Variants in SEC16A observed in about 807,000 individuals in gnomAD.
SEC16A encodes the protein protein transport protein Sec16A.
SEC16A carries 110 observed loss-of-function variants against 221.9 expected under a neutral mutation model. The ratio of observed to expected loss-of-function variants is 0.50; its 90% CI spans 0.42 to 0.58. SEC16A has a LOEUF of 0.58. Among genes scored for constraint, SEC16A ranks in the 20% least tolerant of loss-of-function variants. The probability of loss-of-function intolerance (pLI) is 0.00; values close to 1 mark genes in which losing one functional copy is unlikely to be tolerated. For synonymous variants in SEC16A, 1,393 were observed against 1,257.7 expected, an observed-to-expected ratio of 1.11 and a Z score of -2.28; for missense variants, 3,165 against 3,097.8, an observed-to-expected ratio of 1.02 and a Z score of -0.52.
chr9:136,480,089 C>T (rs1488876863), intron 1 of SEC16A, among the ~76,000 whole-genome samples: 3 of 152,186 alleles, frequency 2.0e-5, no homozygotes, highest in Non-Finnish European at 4.4e-5. Context: ...AGGTTTTAGG[C>T]TCTCATCTGA....
At chr9:136,464,371 T>G in intron 9 of SEC16A, 49 bp downstream of exon 9, 2 of 1,533,288 alleles carry the variant, frequency 1.3e-6, no homozygotes, top group Non-Finnish European at 1.8e-6. Context: ...AGCAGAGAGT[T>G]CCCCAGGGCA....
In SEC16A at chr9:136,456,078, A is replaced by C. The variant is rs1257839137; in HGVS notation, c.5639T>G (p.Leu1880Arg). 6.2e-7 allele frequency: 1 copy of C among 1,612,812 alleles called. No individual in the cohort carries two copies. The highest frequency in any genetic ancestry group is 1.3e-5 in the African/African-American group (1 of 74,902). ...CTTAATCTGCCGCTCCACCTGCTGC[A>C]GGTGAACCAGCCACGTGGGTGCGGC... is the stretch of plus-strand genomic sequence containing the variant. The part of the protein sequence containing the change: ...SLAAPTWLVH[L>R]QQVERQIKEG... The change falls in exon 19 of 32, where the codon CTG becomes CGG. Residue 1880 changes from leucine to arginine, a missense_variant. Leu to Arg is a moderately radical substitution (Grantham distance 102). Transcript: ENST00000684901.
intron 12 of SEC16A, 93 bp downstream of exon 12, chr9:136,462,794 G>T: frequency 6.9e-7 from 1 of 1,446,326 alleles, no homozygotes; most frequent in Admixed American, 2.1e-5. Flanking sequence ...CTCCCAAGAG[G>T]GGGCCACGTC....
rs759612740 is a variant in SEC16A at position 136,475,305 on chromosome 9, G to A, written c.2311C>T (p.Arg771Trp). Residue 771 changes from arginine (R) to tryptophan (W), a missense_variant, in exon 3 of 32, where the codon CGG becomes TGG. Coordinates refer to ENST00000684901, the MANE Select transcript of SEC16A (RefSeq NM_014866.2). This position sits in a 1 kb window ranked among gnomAD's most constrained non-coding sequence, Gnocchi z 5.0. ...PEEAMSGQQS[R>W]NPSSAAPVQS... Reference sequence around the variant, plus strand: ...ACCGGGGCCGCCGAGCTTGGGTTCCGTGACTGCTGCCCGGACATCGCCTCT... The same window carrying A: ...ACCGGGGCCGCCGAGCTTGGGTTCCATGACTGCTGCCCGGACATCGCCTCT... 1.5e-5 allele frequency: 24 copies of A among 1,613,102 alleles called. 1 individual carries two copies. In the East Asian group the frequency reaches 1.8e-4, roughly 12 times the overall value.
chr9:136,471,955 C>T lies in SEC16A; in HGVS notation c.3704+20G>A. The T allele has an allele frequency of 6.2e-7, 1 of 1,609,698 alleles. No individual in the cohort carries two copies. The highest frequency in any genetic ancestry group is 8.5e-7 in the Non-Finnish European group (1 of 1,179,578). On this transcript the variant is annotated intron_variant, in intron 4 of 31. Transcript: ENST00000684901. ...GGTCTGAGTAGGACAGAGAGGCAGC[C>T]AGGGTGGGCGCGGCCGCACCTGGGA... is the stretch of plus-strand genomic sequence containing the variant.
At chr9:136,483,291 C>G (rs1353852185), upstream of SEC16A, among the ~76,000 whole-genome samples, 1 of 130,718 alleles carries the variant, frequency 7.7e-6, no homozygotes, top group Non-Finnish European at 1.7e-5. Flanking sequence ...TCCCGCCCCC[C>G]GCCCGTCTTC....
chr9:136,454,126 G>A lies in SEC16A; in HGVS notation c.6059C>T (p.Ala2020Val). 4 of 1,551,638 alleles carry A rather than the reference G, an allele frequency of 2.6e-6. No individual in the cohort carries two copies. Among genetic ancestry groups the A allele is most frequent in the Non-Finnish European group, 1.7e-6 (2 of 1,147,618 alleles). The part of the protein sequence containing the change: ...LQERRHLLQE[A>V]RSPDPGIVPQ... ...AGCCCCACCTGGGTCTGGGCTCCTGGCTTCCTGGAGCAAGTGTCTCCTTTC... is the reference window on the plus strand; with the variant it reads ...AGCCCCACCTGGGTCTGGGCTCCTGACTTCCTGGAGCAAGTGTCTCCTTTC... The change falls in exon 21 of 32, where the codon GCC becomes GTC. Residue 2020 changes from alanine to valine, a missense_variant. Around this residue, in one of 3 missense-constraint regions of SEC16A, gnomAD observed 1,088 missense variants for 1,089.6 expected, o/e 1.00. Transcript: ENST00000684901.
At chr9:136,449,768 G>A (rs893870477) in intron 23 of SEC16A, among the ~76,000 whole-genome samples, 1 of 152,226 alleles carries the variant, frequency 6.6e-6, no homozygotes, top group African/African-American at 2.4e-5. Flanking sequence ...CTATGCACTG[G>A]AAACCTGCTC....
intron 31 of SEC16A, among the ~76,000 whole-genome samples, chr9:136,442,024 G>A (rs913707259): frequency 1.3e-5 from 2 of 152,198 alleles, no homozygotes; most frequent in African/African-American, 4.8e-5. Flanking sequence ...TGAAAGCACT[G>A]TATCCTTAAC....
chr9:136,459,494 A>G lies in SEC16A; in HGVS notation c.5253T>C (p.Gly1751=), dbSNP rs375857850. 4.4e-4 allele frequency: 700 copies of G among 1,608,196 alleles called. No individual in the cohort carries two copies. Among genetic ancestry groups the G allele is most frequent in the Admixed American group, 1.1e-3 (68 of 59,136 alleles). The change falls in exon 16 of 32, where the codon GGT becomes GGC. Residue 1751 remains glycine, a synonymous_variant. Transcript: ENST00000684901. This position sits in a 1 kb window ranked among gnomAD's most constrained non-coding sequence, Gnocchi z 6.1. The stretch of plus-strand genomic sequence containing the variant: ...GCTTTGTAGTTTTCTTCGTGTAAAC[A>G]CCAAATCCCGCCTGGGCCATGAGGT... ...FCYLMAQAGF[G]VYTKKTTKLV...
rs1841487501 is a variant in SEC16A at position 136,475,401 on chromosome 9, G to A, written c.2215C>T (p.Leu739Phe). ...SELPDFGGNV[L>F]LAPAAPALYV... is the part of the protein sequence containing the mutation. ...AGCGCCGGGGCTGCAGGGGCCAGAA[G>A]GACGTTGCCTCCAAAATCTGGCAGC... The change falls in exon 3 of 32, where the codon CTT becomes TTT. Residue 739 changes from leucine (L) to phenylalanine (F), a missense_variant. Leu to Phe is a conservative substitution (Grantham distance 22). Around this residue, in one of 3 missense-constraint regions of SEC16A, gnomAD observed 2,030 missense variants for 1,923.1 expected, o/e 1.06. Coordinates refer to ENST00000684901, the MANE Select transcript of SEC16A (RefSeq NM_014866.2). The surrounding 1 kb of genome is among the most constrained non-coding windows in gnomAD (Gnocchi z 5.0). 1.2e-6 allele frequency: 2 copies of A among 1,610,462 alleles called. No homozygotes were observed. The highest frequency in any genetic ancestry group is 1.7e-6 in the Non-Finnish European group (2 of 1,177,668).
In SEC16A at chr9:136,472,059, G is replaced by C; in HGVS notation, c.3620C>G (p.Ser1207Cys). 2 of 1,613,618 alleles carry C rather than the reference G, an allele frequency of 1.2e-6. No individual in the cohort carries two copies. The highest frequency in any genetic ancestry group is 2.2e-5 in the South Asian group (2 of 91,086). Reference sequence around the variant, plus strand: ...ATAGCGGTAGTTCTGGGCGTAAGCAGACGCAGCACCATCATAGGGCCTGTA... The same window carrying C: ...ATAGCGGTAGTTCTGGGCGTAAGCACACGCAGCACCATCATAGGGCCTGTA... ...PRYRPYDGAASAYAQNYRYPE... is the reference protein window; with the variant it reads ...PRYRPYDGAACAYAQNYRYPE... Residue 1207 changes from serine to cysteine, a missense_variant, in exon 4 of 32, where the codon TCT becomes TGT. Around this residue, in one of 3 missense-constraint regions of SEC16A, gnomAD observed 2,030 missense variants for 1,923.1 expected, o/e 1.06. Coordinates refer to ENST00000684901, the MANE Select transcript of SEC16A (RefSeq NM_014866.2).
intron 13 of SEC16A, 75 bp downstream of exon 13, chr9:136,461,102 C>T: frequency 1.7e-6 from 2 of 1,179,670 alleles, no homozygotes; most frequent in African/African-American, 1.5e-5. Context: ...GCCGCCTGCC[C>T]CCAGGGTGCG....
Position 136,475,734 on chromosome 9 carries a change from G to A in SEC16A, c.1882C>T (p.Arg628Cys), listed in dbSNP as rs186399867. 8.4e-5 allele frequency: 136 copies of A among 1,609,798 alleles called. No individual in the cohort carries two copies. Among genetic ancestry groups the A allele is most frequent in the Admixed American group, 4.6e-4 (27 of 59,210 alleles). The change falls in exon 3 of 32, where the codon CGC (arginine) becomes TGC (cysteine). Residue 628 changes from arginine to cysteine, a missense_variant. Arg to Cys is a radical substitution (Grantham distance 180). Around this residue, in one of 3 missense-constraint regions of SEC16A, gnomAD observed 2,030 missense variants for 1,923.1 expected, o/e 1.06. Coordinates refer to ENST00000684901, the MANE Select transcript of SEC16A (RefSeq NM_014866.2). The surrounding 1 kb of genome is among the most constrained non-coding windows in gnomAD (Gnocchi z 5.0). ...CTTACTTCACCAACCACGTTGGCGC[G>A]ATCTGCCTCAAATGGTTTTACCCCA... ...LVGVKPFEAD[R>C]ANVVGEVRET...
rs1841376777 is a variant in SEC16A, at chr9:136,474,632, T to C, written c.2984A>G (p.Asp995Gly). 6.2e-7 allele frequency: 1 copy of C among 1,613,134 alleles called. No individual in the cohort carries two copies. Among genetic ancestry groups the C allele is most frequent in the Non-Finnish European group, 8.5e-7 (1 of 1,179,806 alleles). ...TTCCAAAGTCCTGCTTAAGGTAAAG[T>C]CTAGGGCTCCGTAAGTGTCTTCCTG... The part of the protein sequence containing the change: ...SHQEDTYGAL[D>G]FTLSRTLENP... Residue 995 changes from aspartate to glycine, a missense_variant, in exon 3 of 32, where the codon GAC becomes GGC. Physicochemically the swap from Asp to Gly is moderately conservative, Grantham distance 94. Coordinates refer to ENST00000684901, the MANE Select transcript of SEC16A (RefSeq NM_014866.2).
intron 4 of SEC16A, among the ~76,000 whole-genome samples, chr9:136,469,996 C>T (rs1840650470): frequency 6.6e-6 from 1 of 152,222 alleles, no homozygotes; most frequent in South Asian, 2.1e-4. Context: ...CCTTTCCAAC[C>T]CCAGTCATTC....
intron 28 of SEC16A, 147 bp from the exon 29 acceptor site, chr9:136,445,866 C>T: frequency 1.4e-6 from 1 of 717,022 alleles, no homozygotes; most frequent in Non-Finnish European, 2.4e-6. Context: ...TGAAAAGTGC[C>T]TCACACGTGG....
At chr9:136,462,196 C>T (rs1184724300) in intron 12 of SEC16A, among the ~76,000 whole-genome samples, 1 of 152,186 alleles carries the variant, frequency 6.6e-6, no homozygotes, top group Non-Finnish European at 1.5e-5. Context: ...AACTCTCAGC[C>T]TATCCCATGT....
intron 31 of SEC16A, among the ~76,000 whole-genome samples, chr9:136,442,726 C>T (rs1049802484): frequency 6.6e-6 from 1 of 152,230 alleles, no homozygotes; most frequent in Non-Finnish European, 1.5e-5. Flanking sequence ...GCAGGCAGAA[C>T]GGCCCTGGGG....
Sources: gnomAD v4.1 joint callset for allele counts (sites outside exome capture counted in the v4.1 genomes callset) on GRCh38, gnomAD v4.1.1 for gene constraint, gnomAD v4.1.1 regional missense constraint, Gnocchi (gnomAD v3.1) non-coding constraint, MANE v1.5 for transcripts, NCBI Gene and HGNC (gene_info 2026-07-23, HGNC 2026-07-21) for gene names.